Variants in SLC6A16 observed in about 807,000 individuals in gnomAD.
SLC6A16 encodes solute carrier family 6 member 16, also known as orphan sodium- and chloride-dependent neurotransmitter transporter NTT5.
A neutral mutation model predicts 65.4 loss-of-function variants in SLC6A16; 54 were observed. That is an observed-to-expected ratio of 0.83 (90% CI 0.66 to 1.04). SLC6A16 has a LOEUF of 1.04. SLC6A16 is among the 50% of genes least tolerant of loss of function. SLC6A16 has a pLI of 0.00. For synonymous variants in SLC6A16, 330 were observed against 346.5 expected (o/e 0.95, Z 0.53); for missense variants, 816 against 914.0 (o/e 0.89, Z 1.38).
intron 6 of SLC6A16, 79 bp from the exon 7 acceptor site, chr19:49,309,196 G>A (rs1026458331): frequency 6.3e-6 from 10 of 1,593,992 alleles, no homozygotes; most frequent in South Asian, 2.2e-5. Flanking sequence ...TTGCAGGGAG[G>A]AGAGAGGGAG....
At chr19:49,340,059 A>G in the SLC6A16 span, 1 of 1,508,660 alleles carries the variant, frequency 6.6e-7, no homozygotes, top group South Asian at 1.3e-5. Flanking sequence ...CACTTGTAGC[A>G]GCTATTCCCG....
chr19:49,326,006 CAA>C (rs750920453), upstream of SLC6A16, among the ~76,000 whole-genome samples: 12 of 133,364 alleles, frequency 9.0e-5, no homozygotes, highest in Admixed American at 7.5e-5. Flanking sequence ...TACTAAAAGT[CAA>C]AAAAAAAAAA....
chr19:49,331,567 A>T, the SLC6A16 span: 1 of 354,738 alleles, frequency 2.8e-6, no homozygotes, highest in Admixed American at 3.7e-5. Flanking sequence ...AGCTGATTTA[A>T]CAAACAACCG....
At chr19:49,304,815 T>A (rs959026287) in intron 7 of SLC6A16, among the ~76,000 whole-genome samples, 1 of 152,188 alleles carries the variant, frequency 6.6e-6, no homozygotes, top group East Asian at 1.9e-4. Context: ...ATATTTTTTT[T>A]AAAATGGGCA....
In SLC6A16 at chr19:49,309,353, G is replaced by C. The variant is rs1970462275; in HGVS notation, c.935C>G (p.Thr312Ser). Residue 312 changes from threonine to serine, a missense_variant, in exon 6 of 12, where the codon ACT becomes AGT. Coordinates refer to ENST00000335875, the MANE Select transcript of SLC6A16 (RefSeq NM_014037.3). The stretch of plus-strand genomic sequence containing the variant: ...AAATTTTGCCCCTTCCAGGAGTAGA[G>C]TCCGGATGAAGAAACCGACAATGAT... ...CFIIVGFFIR[T>S]LLLEGAKFGL... 6.2e-7 allele frequency: 1 copy of C among 1,614,020 alleles called. No homozygotes were observed. The highest frequency in any genetic ancestry group is 8.5e-7 in the Non-Finnish European group (1 of 1,180,028).
intron 1 of SLC6A16, among the ~76,000 whole-genome samples, chr19:49,321,071 C>A (rs1035740529): frequency 2.0e-5 from 3 of 151,980 alleles, no homozygotes; most frequent in African/African-American, 7.2e-5. Context: ...AAGAACACTA[C>A]AGACCTATAT....
chr19:49,316,120 G>C (rs926732075), intron 1 of SLC6A16, among the ~76,000 whole-genome samples: 3 of 152,110 alleles, frequency 2.0e-5, no homozygotes, highest in African/African-American at 7.2e-5. Flanking sequence ...TTATTTATAT[G>C]TCTATGCTTG....
At chr19:49,308,235 G>A (rs1970433322) in intron 7 of SLC6A16, among the ~76,000 whole-genome samples, 1 of 152,108 alleles carries the variant, frequency 6.6e-6, no homozygotes, top group South Asian at 2.1e-4. Flanking sequence ...GGCGGATTAT[G>A]AGGTCGGGAG....
chr19:49,339,030 G>A, the SLC6A16 span: 11 of 1,050,182 alleles, frequency 1.0e-5, no homozygotes, highest in African/African-American at 4.7e-5. The surrounding 1 kb of genome is among the most constrained non-coding windows in gnomAD (Gnocchi z 4.5). Flanking sequence ...GAAAGGGCGG[G>A]GTCTACGAGA....
chr19:49,293,159 CA>C lies in SLC6A16; in HGVS notation c.1778+63del, dbSNP rs1970109986. Reference sequence around the variant, plus strand: ...CTAGGTGGGTTGACAGTAGAGGCAACAAAAAAGGGGTCACCCTTCCCTATAG... The same window carrying C: ...CTAGGTGGGTTGACAGTAGAGGCAACAAAAAGGGGTCACCCTTCCCTATAG... On this transcript the variant is annotated intron_variant, in intron 10 of 11. Transcript: ENST00000335875. 6 of 1,545,930 alleles carry C rather than the reference CA, an allele frequency of 3.9e-6. No individual in the cohort carries two copies. In the African/African-American group the frequency reaches 4.1e-5, roughly 11 times the overall value.
At position 49,294,523 on chromosome 19, in the gene SLC6A16, G is replaced by A; in HGVS notation, c.1260C>T (p.Asn420=). 1 of 1,612,582 alleles carries A rather than the reference G, an allele frequency of 6.2e-7. No individual in the cohort carries two copies. Among genetic ancestry groups the A allele is most frequent in the Non-Finnish European group, 8.5e-7 (1 of 1,179,476 alleles). ...TGGCATCAGGAGGCAGTTTCCCTAGGTTTATCAGCTTTAAAAGTATTTCAG... is the reference window on the plus strand; with the variant it reads ...TGGCATCAGGAGGCAGTTTCCCTAGATTTATCAGCTTTAAAAGTATTTCAG... The part of the protein sequence containing the change: ...RNAEILLKLI[N]LGKLPPDAKP... The change falls in exon 8 of 12, where the codon AAC becomes AAT. Residue 420 remains asparagine, a synonymous_variant. Transcript: ENST00000335875.
chr19:49,314,336 T>G (rs1167970526), intron 1 of SLC6A16, among the ~76,000 whole-genome samples: 1 of 152,164 alleles, frequency 6.6e-6, no homozygotes, highest in Non-Finnish European at 1.5e-5. Flanking sequence ...CTCTTCCTTA[T>G]AGTAGAATAC....
At chr19:49,306,874 C>T (rs116867318) in intron 7 of SLC6A16, among the ~76,000 whole-genome samples, 184 of 151,812 alleles carry the variant, frequency 1.2e-3, no homozygotes, top group Admixed American at 3.3e-3. Context: ...TCTATGTATG[C>T]GTATCTACTA....
At chr19:49,339,301 T>A in the SLC6A16 span, 1 of 1,596,010 alleles carries the variant, frequency 6.3e-7, no homozygotes, top group Non-Finnish European at 8.6e-7. The surrounding 1 kb of genome is among the most constrained non-coding windows in gnomAD (Gnocchi z 4.5). Flanking sequence ...CCAGAAAGAA[T>A]CCCTTTAACT....
Position 49,325,171 on chromosome 19 carries a change from T to G in SLC6A16, c.-188A>C. The G allele has an allele frequency of 1.0e-6, 1 of 985,446 alleles. No homozygotes were observed. Among genetic ancestry groups the G allele is most frequent in the Non-Finnish European group, 1.2e-6 (1 of 829,936 alleles). 61.0% of individuals were successfully genotyped at this position (985,446 alleles called of 1,614,324 possible). A position where few individuals can be genotyped will look rare whatever the true frequency, so the allele number is the denominator to read the frequency against. ...CCCCTTCAGGCGTCGACAGATCGGT[T>G]TGGGCGACACCCCTCGATCTGCCTG... On this transcript the variant is annotated 5_prime_UTR_variant, in exon 1 of 12. Coordinates refer to ENST00000335875, the MANE Select transcript of SLC6A16 (RefSeq NM_014037.3).
rs1160200183 is a variant in SLC6A16 at position 49,292,959 on chromosome 19, A to C, written c.1778+264T>G. On this transcript the variant is annotated intron_variant, in intron 10 of 11. Transcript: ENST00000335875. This position sits in a 1 kb window ranked among gnomAD's most constrained non-coding sequence, Gnocchi z 4.3. ...GCTAATCTGGTTATTGTCTCTCTAGACCACTAAAATGTAAGCTTTCTGAGA... is the reference window on the plus strand; with the variant it reads ...GCTAATCTGGTTATTGTCTCTCTAGCCCACTAAAATGTAAGCTTTCTGAGA... Among the ~76,000 whole-genome samples, 1 of 152,166 alleles carries C rather than the reference A, an allele frequency of 6.6e-6. No individual in the cohort carries two copies. Among genetic ancestry groups the C allele is most frequent in the African/African-American group, 2.4e-5 (1 of 41,432 alleles).
chr19:49,294,552 T>G lies in SLC6A16; in HGVS notation c.1231A>C (p.Asn411His). The change falls in exon 8 of 12, where the codon AAT (asparagine) becomes CAT (histidine). Residue 411 changes from asparagine to histidine, a missense_variant and splice_region_variant. Coordinates refer to ENST00000335875, the MANE Select transcript of SLC6A16 (RefSeq NM_014037.3). Reference protein sequence around the residue: ...TVITHRCCERNAEILLKLINL... With the variant: ...TVITHRCCERHAEILLKLINL... ...ATCAGCTTTAAAAGTATTTCAGCAT[T>G]CCTGGGGATAGAGGGTTGAATCAAA... 6.2e-7 allele frequency: 1 copy of G among 1,601,802 alleles called. No homozygotes were observed. Among genetic ancestry groups the G allele is most frequent in the Non-Finnish European group, 8.5e-7 (1 of 1,174,152 alleles).
intron 1 of SLC6A16, among the ~76,000 whole-genome samples, chr19:49,317,792 C>T (rs1280895372): frequency 1.3e-5 from 2 of 151,198 alleles, no homozygotes; most frequent in Admixed American, 1.3e-4. Flanking sequence ...GGCAACACAG[C>T]GAGACTCCGT....
At chr19:49,337,031 C>T in the SLC6A16 span, 1 of 1,613,216 alleles carries the variant, frequency 6.2e-7, no homozygotes, top group Non-Finnish European at 8.5e-7. Context: ...CCTCCTGGGC[C>T]TGGTGAGTGC....
Sources: gnomAD v4.1 joint callset for allele counts (sites outside exome capture counted in the v4.1 genomes callset) on GRCh38, gnomAD v4.1.1 for gene constraint, Gnocchi (gnomAD v3.1) non-coding constraint, MANE v1.5 for transcripts, NCBI Gene and HGNC (gene_info 2026-07-23, HGNC 2026-07-21) for gene names.